The following SEZ6 variants were observed in gnomAD, a reference collection of about 807,000 sequenced individuals.
SEZ6 encodes seizure protein 6 homolog.
In SEZ6, 53 loss-of-function variants were observed where a neutral mutation model predicts 101.0. The observed-to-expected ratio is 0.52, with a 90% CI of 0.42 to 0.66. The LOEUF is 0.66. Ranked by LOEUF, SEZ6 falls within the 30% of genes least tolerant of loss-of-function variation. The pLI is 0.00. For synonymous variants in SEZ6, 488 were observed against 512.2 expected, an observed-to-expected ratio of 0.95 and a Z score of 0.64; for missense variants, 1,102 against 1,289.4, an observed-to-expected ratio of 0.85 and a Z score of 2.23.
intron 14 of SEZ6, 21 bp downstream of exon 14, chr17:28,956,698 G>C: frequency 1.3e-6 from 2 of 1,557,090 alleles, no homozygotes; most frequent in South Asian, 2.4e-5. Flanking sequence ...CACTTCTCTG[G>C]CCTCAAGGGT....
chr17:28,964,482 G>A (rs2041031833), intron 4 of SEZ6, among the ~76,000 whole-genome samples: 1 of 152,102 alleles, frequency 6.6e-6, no homozygotes, highest in South Asian at 2.1e-4. Context: ...TACCTACAGG[G>A]TTACTGTGAG....
At position 28,960,966 on chromosome 17, in the gene SEZ6, G is replaced by A. The variant is rs544942195; in HGVS notation, c.1248C>T (p.Cys416=). The A allele has an allele frequency of 7.1e-5, 115 of 1,612,656 alleles. No individual in the cohort carries two copies. The East Asian group carries it at 1.5e-3, about 21-fold the overall frequency. The stretch of plus-strand genomic sequence containing the variant: ...TGGTGGCATTGCGGATCACTCCGCC[G>A]CAAGCAGCTGTTAAGACCAGGACAG... ...DSKEPVCIAA[C]GGVIRNATTG... The change falls in exon 6 of 17, where the codon TGC becomes TGT. Residue 416 remains cysteine, a synonymous_variant. Transcript: ENST00000317338.
At chr17:28,982,642 G>T (rs1032906858) in intron 1 of SEZ6, among the ~76,000 whole-genome samples, 3 of 152,146 alleles carry the variant, frequency 2.0e-5, no homozygotes, top group African/African-American at 7.2e-5. Context: ...CCTCATGGTT[G>T]CATGACTTCT....
intron 10 of SEZ6, among the ~76,000 whole-genome samples, chr17:28,958,641 T>G (rs1056116289): frequency 6.6e-6 from 1 of 152,004 alleles, no homozygotes; most frequent in Non-Finnish European, 1.5e-5. Context: ...AATAAAAAAA[T>G]TAGCCAGGCG....
At chr17:28,987,300 G>A (rs1430342718) in intron 1 of SEZ6, among the ~76,000 whole-genome samples, 1 of 152,198 alleles carries the variant, frequency 6.6e-6, no homozygotes, top group African/African-American at 2.4e-5. Flanking sequence ...GGAGCTGAGA[G>A]TGCTTGGGCC....
In SEZ6 at chr17:28,955,726, T is replaced by A. The variant is rs1228091740; in HGVS notation, c.*236A>T. 9 of 686,096 alleles carry A rather than the reference T, an allele frequency of 1.3e-5. No homozygotes were observed. In the South Asian group the frequency reaches 1.4e-4, roughly 10 times the overall value. The allele number at this position is 686,096 out of a possible 1,614,324, so 42.5% of individuals were successfully genotyped here. On this transcript the variant is annotated 3_prime_UTR_variant, in exon 17 of 17. Coordinates refer to ENST00000317338, the MANE Select transcript of SEZ6 (RefSeq NM_178860.5). ...CAGCTATGTTCTTCCCACAGGTAGA[T>A]GCCCCCTGACATGGGCCCAATGAAG...
chr17:28,960,714 C>T, intron 6 of SEZ6, 43 bp from the exon 7 acceptor site: 1 of 1,612,196 alleles, frequency 6.2e-7, no homozygotes, highest in Non-Finnish European at 8.5e-7. Context: ...GTGGCTGACC[C>T]AGATGGGGTG....
In SEZ6 at chr17:29,005,863, G is replaced by A. The variant is rs1425920779; in HGVS notation, c.7C>T (p.Pro3Ser). 3 of 1,472,376 alleles carry A rather than the reference G, an allele frequency of 2.0e-6. No homozygotes were observed. In the East Asian group the frequency reaches 8.7e-5, roughly 43 times the overall value. 91.2% of individuals were successfully genotyped at this position (1,472,376 alleles called of 1,614,324 possible). A position where few individuals can be genotyped will look rare whatever the true frequency, so the allele number is the denominator to read the frequency against. Reference protein sequence around the residue: MRPVALLLLPSLL... With the variant: MRSVALLLLPSLL... ...GAGGGCAGGAGCAGCAGGGCTACCG[G>A]GCGCATGGTGCTGGTTGCGGCCGCG... The change falls in exon 1 of 17, where the codon CCG (proline) becomes TCG (serine). Residue 3 changes from proline (P) to serine (S), a missense_variant. Pro to Ser is a moderately conservative substitution (Grantham distance 74). Transcript: ENST00000317338. This position sits in a 1 kb window ranked among gnomAD's most constrained non-coding sequence, Gnocchi z 4.8.
rs752199459 is a variant in SEZ6, at chr17:28,959,074, G to A, written c.2058C>T (p.Pro686=). 14 of 1,613,858 alleles carry A rather than the reference G, an allele frequency of 8.7e-6. No homozygotes were observed. Among genetic ancestry groups the A allele is most frequent in the Middle Eastern group, 1.6e-4 (1 of 6,082 alleles). Residue 686 remains proline (P), a synonymous_variant, in exon 10 of 17, where the codon CCC becomes CCT. Coordinates refer to ENST00000317338, the MANE Select transcript of SEZ6 (RefSeq NM_178860.5). This position sits in a 1 kb window ranked among gnomAD's most constrained non-coding sequence, Gnocchi z 4.4. The part of the protein sequence containing the change: ...ADVTIQFQSD[P]GTSVLGYQQG... ...GCTGGTAGCCCAGCACTGAGGTCCC[G>A]GGGTCCGACTGGAACTGAATGGTGA...
In SEZ6 at chr17:28,959,301, G is replaced by A; in HGVS notation, c.1910+33C>T. 6.2e-7 allele frequency: 1 copy of A among 1,613,926 alleles called. No individual in the cohort carries two copies. Among genetic ancestry groups the A allele is most frequent in the Non-Finnish European group, 8.5e-7 (1 of 1,179,868 alleles). ...GACAAGGGATATCCCCAGACCTCAG[G>A]AGTTGGCTCGGCCTGACCCGGTAGG... is the stretch of plus-strand genomic sequence containing the variant. On this transcript the variant is annotated intron_variant, in intron 9 of 16. Transcript: ENST00000317338. This position sits in a 1 kb window ranked among gnomAD's most constrained non-coding sequence, Gnocchi z 4.4.
intron 4 of SEZ6, among the ~76,000 whole-genome samples, chr17:28,966,160 T>TA (rs1452166261): frequency 2.8e-5 from 4 of 141,306 alleles, no homozygotes; most frequent in Non-Finnish European, 6.1e-5. Flanking sequence ...ATAAAATAAA[T>TA]AAATAAAATA....
At chr17:28,998,388 C>T (rs1379277066) in intron 1 of SEZ6, among the ~76,000 whole-genome samples, 1 of 151,414 alleles carries the variant, frequency 6.6e-6, no homozygotes, top group East Asian at 2.0e-4. Flanking sequence ...GTTGATGCCA[C>T]AGTATCAAGG....
At chr17:28,992,792 C>T (rs899242123) in intron 1 of SEZ6, among the ~76,000 whole-genome samples, 1 of 152,248 alleles carries the variant, frequency 6.6e-6, no homozygotes, top group Admixed American at 6.5e-5. Context: ...TCCCAGCTAA[C>T]TGCCACGTTC....
chr17:28,996,388 G>A (rs2041541744), intron 1 of SEZ6, among the ~76,000 whole-genome samples: 1 of 152,174 alleles, frequency 6.6e-6, no homozygotes, highest in Non-Finnish European at 1.5e-5. Context: ...TGAGGGGAAG[G>A]GGCCCCGCCC....
chr17:28,979,718 A>G lies in SEZ6; in HGVS notation c.820T>C (p.Tyr274His). 3.1e-6 allele frequency: 5 copies of G among 1,614,006 alleles called. No individual in the cohort carries two copies. Among genetic ancestry groups the G allele is most frequent in the Non-Finnish European group, 4.2e-6 (5 of 1,179,890 alleles). The change falls in exon 3 of 17, where the codon TAC (tyrosine) becomes CAC (histidine). Residue 274 changes from tyrosine to histidine, a missense_variant. Tyr to His is a moderately conservative substitution (Grantham distance 83). This residue lies in a region of SEZ6 where 406 missense variants were observed against 418.6 expected (regional missense o/e 0.97). Transcript: ENST00000317338. ...PTDVGLDCFF[Y>H]ISVYPGYGVE... The stretch of plus-strand genomic sequence containing the variant: ...CCATAGCCAGGGTAGACAGAGATGT[A>G]GAAGAAGCAGTCCAGGCCAACATCA...
Position 28,981,868 on chromosome 17 carries a change from A to G in SEZ6, c.227T>C (p.Phe76Ser). ...LLNHHPLLEEFLQEGLEKGDE... is the reference protein window; with the variant it reads ...LLNHHPLLEESLQEGLEKGDE... Reference sequence around the variant, plus strand: ...TCCCTTTTCCAGCCCCTCTTGTAGGAATTCCTCAAGCAGCGGGTGGTGGTT... The same window carrying G: ...TCCCTTTTCCAGCCCCTCTTGTAGGGATTCCTCAAGCAGCGGGTGGTGGTT... Residue 76 changes from phenylalanine (F) to serine (S), a missense_variant, in exon 2 of 17, where the codon TTC (phenylalanine) becomes TCC (serine). Phe to Ser is a radical substitution (Grantham distance 155). Transcript: ENST00000317338. 1 of 1,613,830 alleles carries G rather than the reference A, an allele frequency of 6.2e-7. No individual in the cohort carries two copies. The highest frequency in any genetic ancestry group is 8.5e-7 in the Non-Finnish European group (1 of 1,179,850).
At chr17:28,957,289 C>T (rs2040896412) in intron 12 of SEZ6, 47 bp from the exon 13 acceptor site, 1 of 1,611,172 alleles carries the variant, frequency 6.2e-7, no homozygotes, top group East Asian at 2.2e-5. Context: ...CCTTGGCCTC[C>T]AGGGCAGCAT....
Position 28,957,121 on chromosome 17 carries a change from C to G in SEZ6, c.2616G>C (p.Leu872=). The G allele has an allele frequency of 1.2e-6, 2 of 1,613,882 alleles. No homozygotes were observed. The highest frequency in any genetic ancestry group is 1.7e-6 in the Non-Finnish European group (2 of 1,179,826). Residue 872 remains leucine, a synonymous_variant, in exon 13 of 17, where the codon CTG becomes CTC. Transcript: ENST00000317338. ...IHFSCAPGYV[L]KGQASIKCVP... ...CACACTTGATGCTGGCCTGGCCCTT[C>G]AGCACATAGCCAGGGGCACACGAGA... is the stretch of plus-strand genomic sequence containing the variant.
At chr17:28,965,010 C>A (rs2041042239) in intron 4 of SEZ6, among the ~76,000 whole-genome samples, 1 of 150,284 alleles carries the variant, frequency 6.7e-6, no homozygotes, top group South Asian at 2.1e-4. Flanking sequence ...GAGCTGAGAT[C>A]ACTCCATTGC....
Sources: allele counts gnomAD v4.1 joint callset (sites outside exome capture counted in the v4.1 genomes callset), GRCh38; gene constraint gnomAD v4.1.1; regional missense constraint gnomAD v4.1.1; non-coding constraint Gnocchi (gnomAD v3.1); transcripts MANE v1.5; gene names NCBI Gene and HGNC (gene_info 2026-07-23, HGNC 2026-07-21).